PDS5B: variants seen among roughly 807,000 people sequenced by gnomAD.
PDS5B encodes PDS5 cohesin associated factor B.
PDS5B carries 51 observed loss-of-function variants against 184.1 expected under a neutral mutation model. That is an observed-to-expected ratio of 0.28 (90% confidence interval 0.22 to 0.35). The LOEUF (loss-of-function observed/expected upper bound fraction) is 0.35, where lower values mean the gene tolerates loss of function less well. Among genes scored for constraint, PDS5B ranks in the 10% least tolerant of loss-of-function variants. The pLI is 1.00. For missense variants in PDS5B, 1,180 were observed against 1,723.3 expected, an observed-to-expected ratio of 0.68 and a Z score of 5.58; for synonymous variants, 566 against 569.2, an observed-to-expected ratio of 0.99 and a Z score of 0.08.
rs377331825 is a variant in PDS5B, at chr13:32,688,581, A to G, written c.1469+12A>G. ...TTAAATGCTGTGAAGTATGTTTCAA[A>G]TATCAAATTCTGTTCTTTTCATCCT... On this transcript the variant is annotated intron_variant, in intron 13 of 34. Coordinates refer to ENST00000315596, the MANE Select transcript of PDS5B (RefSeq NM_015032.4). The G allele has an allele frequency of 5.7e-6, 8 of 1,406,564 alleles. No homozygotes were observed. In the African/African-American group the frequency reaches 7.1e-5, roughly 12 times the overall value. The allele number at this position is 1,406,564 out of a possible 1,614,324, so 87.1% of individuals were successfully genotyped here.
chr13:32,692,414 CCTTTTTTTTT>C lies in PDS5B; in HGVS notation c.1470-1808_1470-1799del, dbSNP rs1189703604. Among the ~76,000 whole-genome samples the C allele has an allele frequency of 8.2e-4, 57 of 69,150 alleles. 5 individuals are homozygous for C. Among genetic ancestry groups the C allele is most frequent in the African/African-American group, 2.2e-3 (43 of 19,840 alleles). The allele number at this position is 69,150 out of a possible 152,430, so 45.4% of individuals were successfully genotyped here. A position where few individuals can be genotyped will look rare whatever the true frequency, so the allele number is the denominator to read the frequency against. Reference sequence around the variant, plus strand: ...ATTAAACAAGTTTGCGTCCAAAAAGCCTTTTTTTTTTTTTTTTTTTTTTTTTTTGAGATAG... The same window carrying C: ...ATTAAACAAGTTTGCGTCCAAAAAGCTTTTTTTTTTTTTTTTTTGAGATAG... On this transcript the variant is annotated intron_variant, in intron 13 of 34. Coordinates refer to ENST00000315596, the MANE Select transcript of PDS5B (RefSeq NM_015032.4).
At chr13:32,679,215 TGAA>T (rs984786661) in intron 10 of PDS5B, among the ~76,000 whole-genome samples, 1 of 152,302 alleles carries the variant, frequency 6.6e-6, no homozygotes, top group African/African-American at 2.4e-5. Flanking sequence ...CTTAAAATAT[TGAA>T]GAACATTAGT....
chr13:32,737,182 G>A (rs1020325531), intron 21 of PDS5B, among the ~76,000 whole-genome samples: 1 of 81,566 alleles, frequency 1.2e-5, no homozygotes, highest in South Asian at 5.3e-4. Context: ...TGAGGCTTCA[G>A]ATGTGGTTAT....
chr13:32,745,206 T>G (rs1050724289), intron 23 of PDS5B, among the ~76,000 whole-genome samples: 3 of 152,246 alleles, frequency 2.0e-5, no homozygotes, highest in African/African-American at 7.2e-5. Context: ...GCTTTCATTC[T>G]TCTTCTGTGC....
chr13:32,756,794 T>G (rs1954195630), intron 26 of PDS5B, among the ~76,000 whole-genome samples: 1 of 152,124 alleles, frequency 6.6e-6, no homozygotes, highest in Admixed American at 6.5e-5. Flanking sequence ...AAAATGCCCT[T>G]TTTTTCCCAC....
chr13:32,764,471 A>G lies in PDS5B; in HGVS notation c.3519-18A>G. 1.4e-6 allele frequency: 2 copies of G among 1,414,326 alleles called. No individual in the cohort carries two copies. Among genetic ancestry groups the G allele is most frequent in the Non-Finnish European group, 2.0e-6 (2 of 1,022,420 alleles). 87.6% of individuals were successfully genotyped at this position (1,414,326 alleles called of 1,614,324 possible). A position where few individuals can be genotyped will look rare whatever the true frequency, so the allele number is the denominator to read the frequency against. On this transcript the variant is annotated intron_variant, in intron 30 of 34. Coordinates refer to ENST00000315596, the MANE Select transcript of PDS5B (RefSeq NM_015032.4). ...GTTATTTGATTGTAATAACAATTACAAATGTCTGTATTAAAAGGCTTGATA... is the reference window on the plus strand; with the variant it reads ...GTTATTTGATTGTAATAACAATTACGAATGTCTGTATTAAAAGGCTTGATA...
intron 1 of PDS5B, among the ~76,000 whole-genome samples, chr13:32,588,189 C>T (rs1009249127): frequency 5.9e-5 from 9 of 152,168 alleles, no homozygotes; most frequent in Non-Finnish European, 8.8e-5. Flanking sequence ...ATGGTGTATG[C>T]AGGTCAGTTC....
intron 3 of PDS5B, among the ~76,000 whole-genome samples, chr13:32,657,148 A>G (rs79969381): frequency 0.013 from 2,025 of 152,282 alleles, 21 homozygotes; most frequent in Non-Finnish European, 0.019. Flanking sequence ...GTCTGCCCCA[A>G]TAATCTAATT....
chr13:32,734,032 C>G (rs761060040), intron 20 of PDS5B, among the ~76,000 whole-genome samples: 11 of 107,354 alleles, frequency 1.0e-4, no homozygotes, highest in African/African-American at 2.5e-4. Context: ...ATTTTGTTTT[C>G]TTTTTTTTTT....
intron 1 of PDS5B, among the ~76,000 whole-genome samples, chr13:32,601,728 G>T (rs2140484409): frequency 6.6e-6 from 1 of 152,348 alleles, no homozygotes; most frequent in Non-Finnish European, 1.5e-5. Flanking sequence ...GGTAGGACCA[G>T]CTCAAGTCCA....
At chr13:32,653,539 C>T in intron 3 of PDS5B, among the ~76,000 whole-genome samples, 1 of 152,082 alleles carries the variant, frequency 6.6e-6, no homozygotes, top group East Asian at 1.9e-4. Context: ...TACCACAATT[C>T]AAGTAGAGGA....
intron 1 of PDS5B, among the ~76,000 whole-genome samples, chr13:32,603,859 G>T (rs1314824528): frequency 6.6e-6 from 1 of 152,180 alleles, no homozygotes; most frequent in East Asian, 1.9e-4. Context: ...GTGAATGGGA[G>T]TTCACTCATG....
At chr13:32,613,125 C>G (rs568943135) in intron 1 of PDS5B, among the ~76,000 whole-genome samples, 11 of 152,106 alleles carry the variant, frequency 7.2e-5, no homozygotes, top group Non-Finnish European at 1.5e-4. Context: ...GGCTGTATTA[C>G]ATTTTGCTTA....
chr13:32,641,733 C>G (rs150783853), intron 1 of PDS5B, among the ~76,000 whole-genome samples: 58 of 152,288 alleles, frequency 3.8e-4, no homozygotes, highest in South Asian at 8.3e-4. Context: ...TCACCCTACT[C>G]ATTTTCTTTA....
chr13:32,619,274 G>A (rs2058261830), intron 1 of PDS5B, among the ~76,000 whole-genome samples: 1 of 152,176 alleles, frequency 6.6e-6, no homozygotes, highest in African/African-American at 2.4e-5. Context: ...TCTGAGAGAT[G>A]CTTTGTTAGG....
At chr13:32,759,600 T>C (rs747139001) in intron 28 of PDS5B, 28 bp from the exon 29 acceptor site, 3 of 1,283,506 alleles carry the variant, frequency 2.3e-6, no homozygotes, top group Non-Finnish European at 3.4e-6. Flanking sequence ...TAATATTCAC[T>C]GACTACTTCT....
chr13:32,652,547 G>A (rs1950392999), intron 3 of PDS5B: 2 of 148,262 alleles, frequency 1.3e-5, no homozygotes, highest in Admixed American at 6.8e-5. Context: ...AGGACAGCTT[G>A]GGCAACATAG....
intron 23 of PDS5B, 65 bp downstream of exon 23, chr13:32,742,792 C>A: frequency 7.4e-7 from 1 of 1,343,222 alleles, no homozygotes; most frequent in South Asian, 1.3e-5. Context: ...TGTAACTGTT[C>A]AATGGTGCTG....
intron 18 of PDS5B, among the ~76,000 whole-genome samples, chr13:32,708,264 G>A (rs969703): frequency 0.44 from 66,191 of 152,004 alleles, 14,798 homozygotes; most frequent in African/African-American, 0.49. Flanking sequence ...ATTTTCTTCT[G>A]CCCTATCACT....
Sources: gnomAD v4.1 joint callset for allele counts (sites outside exome capture counted in the v4.1 genomes callset) on GRCh38, gnomAD v4.1.1 for gene constraint, MANE v1.5 for transcripts, NCBI Gene and HGNC (gene_info 2026-07-23, HGNC 2026-07-21) for gene names.